The following MEI1 variants were observed in gnomAD, a reference collection of about 807,000 sequenced individuals.
The protein encoded by MEI1 is meiosis inhibitor protein 1.
In MEI1, 103 loss-of-function variants were observed where a neutral mutation model predicts 146.2. The observed-to-expected ratio is 0.70, with a 90% CI of 0.60 to 0.83. The LOEUF (loss-of-function observed/expected upper bound fraction) is 0.83, where lower values mean the gene tolerates loss of function less well. Among genes scored for constraint, MEI1 ranks in the 40% least tolerant of loss-of-function variants. MEI1 has a pLI of 0.00. For synonymous variants in MEI1, 652 were observed against 628.2 expected (o/e 1.04, Z -0.57); for missense variants, 1,529 against 1,533.0 (o/e 1.00, Z 0.04).
intron 12 of MEI1, among the ~76,000 whole-genome samples, chr22:41,743,602 G>A (rs560732632): frequency 6.6e-6 from 1 of 152,324 alleles, no homozygotes; most frequent in African/African-American, 2.4e-5. Context: ...TGTGCCATGT[G>A]TTGTAGCTGC....
At chr22:41,746,423 A>G (rs772825473) in intron 14 of MEI1, among the ~76,000 whole-genome samples, 10 of 152,320 alleles carry the variant, frequency 6.6e-5, no homozygotes, top group East Asian at 1.9e-4. Context: ...GATTGAACCT[A>G]TGACTTCAGG....
chr22:41,778,015 C>T (rs1347559860), intron 21 of MEI1, among the ~76,000 whole-genome samples: 1 of 151,090 alleles, frequency 6.6e-6, no homozygotes, highest in Non-Finnish European at 1.5e-5. Context: ...CTTCCTTCTC[C>T]TCCTTTCTTC....
chr22:41,777,752 G>A (rs2075530945), intron 21 of MEI1, among the ~76,000 whole-genome samples: 1 of 152,072 alleles, frequency 6.6e-6, no homozygotes, highest in South Asian at 2.1e-4. Flanking sequence ...CCAAAATCAA[G>A]GTACTGAAAG....
chr22:41,722,115 C>T (rs2070904724), intron 6 of MEI1: 1 of 151,382 alleles, frequency 6.6e-6, no homozygotes, highest in Admixed American at 6.6e-5. Context: ...GAGTGCTAAC[C>T]TTCTTTCAGA....
Position 41,730,504 on chromosome 22 carries a change from A to T in MEI1, c.980-17A>T. The T allele has an allele frequency of 6.4e-7, 1 of 1,567,956 alleles. No individual in the cohort carries two copies. The highest frequency in any genetic ancestry group is 1.1e-5 in the South Asian group (1 of 90,096). ...CATGGCTGTCATTTATTGTTTTCTCATCCTCTCCCTTGTTAGAGTTCCTCT... is the reference window on the plus strand; with the variant it reads ...CATGGCTGTCATTTATTGTTTTCTCTTCCTCTCCCTTGTTAGAGTTCCTCT... On this transcript the variant is annotated splice_polypyrimidine_tract_variant and intron_variant, in intron 8 of 30. Transcript: ENST00000401548.
intron 27 of MEI1, 163 bp downstream of exon 27, chr22:41,794,073 T>A: frequency 1.4e-6 from 1 of 719,210 alleles, no homozygotes; most frequent in Non-Finnish European, 2.3e-6. Context: ...ATTATACAGA[T>A]GGGATCAATA....
At chr22:41,754,092 T>A in intron 17 of MEI1, 46 bp downstream of exon 17, 1 of 1,426,086 alleles carries the variant, frequency 7.0e-7, no homozygotes. Flanking sequence ...TGCTGGTCTT[T>A]AGAGTCTGGG....
Position 41,705,587 on chromosome 22 carries a change from A to G in MEI1, c.349+33A>G, listed in dbSNP as rs759088845. 8.8e-6 allele frequency: 14 copies of G among 1,586,762 alleles called. No individual in the cohort carries two copies. The South Asian group carries it at 1.2e-4, about 14-fold the overall frequency. ...GAAACCTTGTATCTAGCACTTGAAG[A>G]TGAAAGTATTAGTCTGAATTGCAGC... On this transcript the variant is annotated intron_variant, in intron 3 of 30. Transcript: ENST00000401548.
chr22:41,770,098 C>A (rs945859617), intron 19 of MEI1, among the ~76,000 whole-genome samples: 9 of 151,828 alleles, frequency 5.9e-5, no homozygotes, highest in African/African-American at 2.2e-4. Context: ...CATGCCATTG[C>A]ACTCCAGCCT....
chr22:41,757,228 G>A (rs779763095), intron 17 of MEI1, among the ~76,000 whole-genome samples: 2 of 152,228 alleles, frequency 1.3e-5, no homozygotes, highest in Non-Finnish European at 2.9e-5. Context: ...CCAAGTAGCT[G>A]GGACTACAGG....
At chr22:41,786,298 G>T (rs2075984899) in intron 26 of MEI1, among the ~76,000 whole-genome samples, 1 of 152,108 alleles carries the variant, frequency 6.6e-6, no homozygotes, top group African/African-American at 2.4e-5. Context: ...CTCTTACCTT[G>T]GCCTCCAGAA....
intron 3 of MEI1, among the ~76,000 whole-genome samples, chr22:41,711,410 AT>A (rs2069554504): frequency 6.6e-6 from 1 of 152,012 alleles, no homozygotes; most frequent in African/African-American, 2.4e-5. Flanking sequence ...TGACCTCATG[AT>A]CCGTTCTGAC....
chr22:41,771,075 T>TA, intron 20 of MEI1, 114 bp downstream of exon 20: 1 of 1,155,292 alleles, frequency 8.7e-7, no homozygotes, highest in Non-Finnish European at 1.2e-6. Flanking sequence ...CCTCCAGACT[T>TA]ATCACTGTCT....
intron 21 of MEI1, among the ~76,000 whole-genome samples, chr22:41,776,607 G>A (rs2075448144): frequency 6.6e-6 from 1 of 152,134 alleles, no homozygotes; most frequent in Non-Finnish European, 1.5e-5. Flanking sequence ...GGAGGATGGA[G>A]GCAGCAGCAG....
intron 8 of MEI1, 48 bp from the exon 9 acceptor site, chr22:41,730,467 GGATCGT>G: frequency 3.3e-6 from 4 of 1,227,858 alleles, no homozygotes; most frequent in Non-Finnish European, 4.8e-6. Flanking sequence ...ATCAGTTAAG[GGATCGT>G]GATCACATGG....
At chr22:41,729,838 T>G in intron 8 of MEI1, 59 bp downstream of exon 8, 1 of 1,110,830 alleles carries the variant, frequency 9.0e-7, no homozygotes, top group Non-Finnish European at 1.3e-6. Flanking sequence ...TGGTGACAGG[T>G]TCAATTGTGT....
chr22:41,733,554 G>T (rs866044325), intron 11 of MEI1, among the ~76,000 whole-genome samples: 2 of 151,822 alleles, frequency 1.3e-5, no homozygotes, highest in African/African-American at 4.8e-5. Context: ...TCAGGAGTTC[G>T]AGACCAGCCT....
chr22:41,699,628 G>T lies in MEI1; in HGVS notation c.90G>T (p.Arg30=), dbSNP rs952664371. The T allele has an allele frequency of 6.2e-7, 1 of 1,608,968 alleles. No homozygotes were observed. Among genetic ancestry groups the T allele is most frequent in the Non-Finnish European group, 8.5e-7 (1 of 1,178,134 alleles). Reference sequence around the variant, plus strand: ...TTCTATTCGAGAGGGCCCATTACCGGCACGACCCGCGCTGGCTGCTGCCCG... The same window carrying T: ...TTCTATTCGAGAGGGCCCATTACCGTCACGACCCGCGCTGGCTGCTGCCCG... The part of the protein sequence containing the change: ...AALLFERAHY[R]HDPRWLLPVT... Residue 30 remains arginine, a synonymous_variant, in exon 1 of 31, where the codon CGG becomes CGT. Coordinates refer to ENST00000401548, the MANE Select transcript of MEI1 (RefSeq NM_152513.4).
intron 9 of MEI1, among the ~76,000 whole-genome samples, chr22:41,731,170 C>T (rs2071829537): frequency 6.6e-6 from 1 of 150,990 alleles, no homozygotes; most frequent in African/African-American, 2.4e-5. Flanking sequence ...TCTCCTGCCT[C>T]AGCCTCCCGA....
Sources: gnomAD v4.1 joint callset for allele counts (sites outside exome capture counted in the v4.1 genomes callset) on GRCh38, gnomAD v4.1.1 for gene constraint, MANE v1.5 for transcripts, NCBI Gene and HGNC (gene_info 2026-07-23, HGNC 2026-07-21) for gene names.